ANK3: variants seen among roughly 807,000 people sequenced by gnomAD.
ANK3 encodes the protein ankyrin-3.
In ANK3, 57 loss-of-function variants were observed where a neutral mutation model predicts 370.9. The observed-to-expected ratio is 0.15, with a 90% CI of 0.12 to 0.19. ANK3 has a LOEUF of 0.19. Among genes scored for constraint, ANK3 ranks in the 10% least tolerant of loss-of-function variants. The pLI, the probability that ANK3 is intolerant of heterozygous loss-of-function variation, is 1.00. For missense variants in ANK3, 4,439 were observed against 5,302.1 expected (o/e 0.84, Z 5.06); for synonymous variants, 1,929 against 1,946.3 (o/e 0.99, Z 0.23).
At chr10:60,214,669 T>C (rs1591838861) in intron 8 of ANK3, among the ~76,000 whole-genome samples, 2 of 152,194 alleles carry the variant, frequency 1.3e-5, no homozygotes, top group African/African-American at 4.8e-5. Flanking sequence ...GCTTCATCCA[T>C]GTCCCGGCGA....
chr10:60,174,477 T>C (rs2095872886), intron 18 of ANK3, among the ~76,000 whole-genome samples: 1 of 152,194 alleles, frequency 6.6e-6, no homozygotes, highest in East Asian at 1.9e-4. Context: ...ATGATCAGAA[T>C]ACTGCTTAAT....
intron 18 of ANK3, among the ~76,000 whole-genome samples, chr10:60,175,632 T>C (rs1461522931): frequency 1.3e-5 from 2 of 151,432 alleles, no homozygotes; most frequent in East Asian, 3.8e-4. Context: ...TTTAACAGCA[T>C]TCCTTCCTTT....
intron 23 of ANK3, 51 bp from the exon 24 acceptor site, chr10:60,139,138 T>C (rs1308742209): frequency 6.3e-7 from 1 of 1,593,040 alleles, no homozygotes; most frequent in Non-Finnish European, 8.5e-7. Flanking sequence ...TTTGAAAGTG[T>C]CAGCTGTGGA....
intron 2 of ANK3, among the ~76,000 whole-genome samples, chr10:60,537,166 G>T (rs1022956659): frequency 6.6e-6 from 1 of 151,920 alleles, no homozygotes; most frequent in Non-Finnish European, 1.5e-5. Flanking sequence ...TTAAACAAAA[G>T]TTTTCTTTTC....
intron 2 of ANK3, among the ~76,000 whole-genome samples, chr10:60,512,182 T>G (rs1172711167): frequency 1.3e-5 from 2 of 151,542 alleles, no homozygotes; most frequent in Non-Finnish European, 2.9e-5. Context: ...CTCCCAGAAG[T>G]CAGGGAAGTA....
At chr10:60,512,752 C>T (rs1007828626) in intron 2 of ANK3, among the ~76,000 whole-genome samples, 1 of 151,930 alleles carries the variant, frequency 6.6e-6, no homozygotes, top group Non-Finnish European at 1.5e-5. Context: ...GAAATATTAG[C>T]CATAAGAAAA....
chr10:60,042,903 T>C, intron 42 of ANK3, 144 bp from the exon 43 acceptor site: 1 of 1,478,500 alleles, frequency 6.8e-7, no homozygotes, highest in Non-Finnish European at 8.9e-7. Context: ...ATACGTACAA[T>C]CTTTAGCTTA....
rs2080138668 is a variant in ANK3, at chr10:60,060,310, TTTAA to T, written c.12596-884_12596-881del. ...AGACTAAATATATAAAGTTTATATATTTAAGTTTATATAAAGACCAATATAAAGT... is the reference window on the plus strand; with the variant it reads ...AGACTAAATATATAAAGTTTATATATGTTTATATAAAGACCAATATAAAGT... On this transcript the variant is annotated intron_variant, in intron 40 of 43. Coordinates refer to ENST00000280772, the MANE Select transcript of ANK3 (RefSeq NM_020987.5). 5 of 184,322 alleles carry T rather than the reference TTTAA, an allele frequency of 2.7e-5. No individual in the cohort carries two copies. In the South Asian group the frequency reaches 8.6e-4, roughly 32 times the overall value. 11.4% of individuals were successfully genotyped at this position (184,322 alleles called of 1,614,324 possible).
At chr10:60,175,464 CAAAT>C (rs1421446228) in intron 18 of ANK3, among the ~76,000 whole-genome samples, 2 of 152,200 alleles carry the variant, frequency 1.3e-5, no homozygotes, top group East Asian at 3.9e-4. Context: ...AATAAGCAAA[CAAAT>C]AAAGAGCCAT....
intron 2 of ANK3, among the ~76,000 whole-genome samples, chr10:60,470,919 C>G (rs777448536): frequency 6.6e-6 from 1 of 151,966 alleles, no homozygotes; most frequent in East Asian, 1.9e-4. Context: ...CCAAACAAAC[C>G]CTTTTTCTCA....
At chr10:60,710,370 C>A (rs932435850) in intron 1 of ANK3, among the ~76,000 whole-genome samples, 1 of 152,030 alleles carries the variant, frequency 6.6e-6, no homozygotes, top group Admixed American at 6.6e-5. Flanking sequence ...CAGTTGTTTA[C>A]CTTTCTCTCA....
At chr10:60,424,964 G>A (rs2063851272) in intron 2 of ANK3, among the ~76,000 whole-genome samples, 1 of 152,056 alleles carries the variant, frequency 6.6e-6, no homozygotes, top group South Asian at 2.1e-4. Flanking sequence ...AGGTCAACTA[G>A]AGATGGGAAA....
chr10:60,579,819 G>A (rs1279999697), intron 2 of ANK3, among the ~76,000 whole-genome samples: 1 of 152,064 alleles, frequency 6.6e-6, no homozygotes, highest in Non-Finnish European at 1.5e-5. Flanking sequence ...TTAATTATTT[G>A]TAATATTGAT....
At chr10:60,318,557 C>G (rs549223863) in intron 1 of ANK3, among the ~76,000 whole-genome samples, 2 of 152,188 alleles carry the variant, frequency 1.3e-5, no homozygotes, top group African/African-American at 4.8e-5. Flanking sequence ...ATATACCAGA[C>G]CAGGTAGCCT....
rs2131979225 is a variant in ANK3, at chr10:60,073,743, G to A, written c.7138C>T (p.His2380Tyr). ...TCCTCTGAACAAGGAAAAGCATCGT[G>A]TTTTTCTGGCAGAAAATCTTTTAGG... ...INLKDFLPEK[H>Y]DAFPCSEEQG... The change falls in exon 37 of 44, where the codon CAC (histidine) becomes TAC (tyrosine). Residue 2380 changes from histidine (H) to tyrosine (Y), a missense_variant. By Grantham distance (83) the His-to-Tyr change is moderately conservative (BLOSUM62 2). Around this residue, in one of 13 missense-constraint regions of ANK3, gnomAD observed 1,601 missense variants for 1,731.7 expected, o/e 0.92. Transcript: ENST00000280772. 1.9e-6 allele frequency: 3 copies of A among 1,613,858 alleles called. No homozygotes were observed. The highest frequency in any genetic ancestry group is 1.7e-6 in the Non-Finnish European group (2 of 1,179,998).
chr10:60,257,238 G>A (rs141009832), intron 7 of ANK3, among the ~76,000 whole-genome samples: 2 of 152,294 alleles, frequency 1.3e-5, no homozygotes, highest in East Asian at 3.9e-4. Context: ...GGTTCTGAAT[G>A]TGGTCCAATA....
intron 2 of ANK3, among the ~76,000 whole-genome samples, chr10:60,479,378 T>C (rs1377444137): frequency 1.3e-5 from 2 of 152,256 alleles, no homozygotes; most frequent in South Asian, 2.1e-4. Flanking sequence ...CTAGGAGCAA[T>C]AGACTATACT....
At chr10:60,237,204 C>T (rs2097347347) in intron 7 of ANK3, among the ~76,000 whole-genome samples, 2 of 152,196 alleles carry the variant, frequency 1.3e-5, no homozygotes, top group South Asian at 2.1e-4. Context: ...TGACGACTTT[C>T]AGATCTGCTT....
intron 2 of ANK3, among the ~76,000 whole-genome samples, chr10:60,491,085 A>G (rs991353753): frequency 6.6e-6 from 1 of 152,170 alleles, no homozygotes; most frequent in African/African-American, 2.4e-5. Flanking sequence ...TTTGATGTTC[A>G]TCTATGTTGT....
Sources: gnomAD v4.1 joint callset for allele counts (sites outside exome capture counted in the v4.1 genomes callset) on GRCh38, gnomAD v4.1.1 for gene constraint, gnomAD v4.1.1 regional missense constraint, MANE v1.5 for transcripts, NCBI Gene and HGNC (gene_info 2026-07-23, HGNC 2026-07-21) for gene names.